Variants in CAMK2D observed in about 807,000 individuals in gnomAD.
CAMK2D encodes the protein calcium/calmodulin dependent protein kinase II delta, also known as calcium/calmodulin-dependent protein kinase type II subunit delta.
Under a neutral mutation model 84.0 loss-of-function variants are expected in CAMK2D, and 37 were observed. That is an observed-to-expected ratio of 0.44 (90% CI 0.34 to 0.58). The LOEUF is 0.58. Among genes scored for constraint, CAMK2D ranks in the 20% least tolerant of loss-of-function variants. The pLI, the probability that CAMK2D is intolerant of heterozygous loss-of-function variation, is 0.02. For synonymous variants in CAMK2D, 202 were observed against 212.5 expected (o/e 0.95, Z 0.43); for missense variants, 448 against 652.5 (o/e 0.69, Z 3.41).
intron 17 of CAMK2D, among the ~76,000 whole-genome samples, chr4:113,462,284 GTGTGTGTGTGTCTGTCTGTC>G (rs1480850936): frequency 2.5e-5 from 2 of 81,610 alleles, no homozygotes. Context: ...GTGTGTGTGT[GTGTGTGTGTGTCTGTCTGTC>G]TGTCTGTCTG....
chr4:113,671,446 T>C (rs1010668433), intron 2 of CAMK2D, among the ~76,000 whole-genome samples: 2 of 152,224 alleles, frequency 1.3e-5, no homozygotes, highest in African/African-American at 4.8e-5. Context: ...CAGACTCATA[T>C]GTTTTCATAA....
chr4:113,733,263 G>T (rs2099573349), intron 2 of CAMK2D, among the ~76,000 whole-genome samples: 1 of 152,192 alleles, frequency 6.6e-6, no homozygotes, highest in South Asian at 2.1e-4. Context: ...ACTTTCCTAT[G>T]TTCCTGTAAT....
intron 16 of CAMK2D, among the ~76,000 whole-genome samples, chr4:113,493,912 C>T (rs1350819097): frequency 1.3e-5 from 2 of 152,202 alleles, no homozygotes; most frequent in African/African-American, 4.8e-5. Context: ...ATCACTGACA[C>T]CCTTTCTTCC....
chr4:113,554,216 T>C (rs1447795292), intron 4 of CAMK2D, among the ~76,000 whole-genome samples: 1 of 152,170 alleles, frequency 6.6e-6, no homozygotes, highest in Non-Finnish European at 1.5e-5. Context: ...TTTGCTTAAT[T>C]AATGACTCTT....
intron 16 of CAMK2D, among the ~76,000 whole-genome samples, chr4:113,479,452 C>T (rs1227204572): frequency 6.6e-6 from 1 of 152,112 alleles, no homozygotes; most frequent in East Asian, 1.9e-4. Context: ...TATGTCTCAA[C>T]TCAGAATTAA....
intron 4 of CAMK2D, among the ~76,000 whole-genome samples, chr4:113,607,539 C>T (rs1008656245): frequency 1.3e-5 from 2 of 152,054 alleles, no homozygotes; most frequent in South Asian, 2.1e-4. Flanking sequence ...CCACCGTAAC[C>T]GATCAATTGA....
intron 3 of CAMK2D, among the ~76,000 whole-genome samples, chr4:113,658,470 T>G (rs1254038284): frequency 6.6e-6 from 1 of 152,172 alleles, no homozygotes; most frequent in Non-Finnish European, 1.5e-5. Context: ...TCCCTTCTTT[T>G]AGGTCTGCAT....
intron 4 of CAMK2D, among the ~76,000 whole-genome samples, chr4:113,565,792 T>C (rs1438407459): frequency 1.3e-5 from 2 of 152,150 alleles, no homozygotes; most frequent in Non-Finnish European, 2.9e-5. Flanking sequence ...TTTGGGAATG[T>C]TGAAACATGG....
At chr4:113,693,795 T>G (rs999394052) in intron 2 of CAMK2D, among the ~76,000 whole-genome samples, 2 of 152,198 alleles carry the variant, frequency 1.3e-5, no homozygotes, top group Non-Finnish European at 2.9e-5. Context: ...TAAAATTGTT[T>G]GGAGATTACT....
chr4:113,697,548 A>G (rs886427407), intron 2 of CAMK2D, among the ~76,000 whole-genome samples: 6 of 152,118 alleles, frequency 3.9e-5, no homozygotes, highest in African/African-American at 1.4e-4. Flanking sequence ...CTGGCCTACT[A>G]TATATTTTCT....
At chr4:113,559,131 GC>G (rs2098686420) in intron 4 of CAMK2D, among the ~76,000 whole-genome samples, 2 of 151,846 alleles carry the variant, frequency 1.3e-5, no homozygotes, top group Non-Finnish European at 1.5e-5. Flanking sequence ...ATATGGTTTT[GC>G]AAGCACCACA....
chr4:113,463,237 T>C (rs1295344646), intron 17 of CAMK2D, among the ~76,000 whole-genome samples: 1 of 152,086 alleles, frequency 6.6e-6, no homozygotes, highest in East Asian at 1.9e-4. Flanking sequence ...AAAGTAATAC[T>C]TGCTTATGTA....
intron 4 of CAMK2D, among the ~76,000 whole-genome samples, chr4:113,588,433 C>T: frequency 6.6e-6 from 1 of 152,160 alleles, no homozygotes; most frequent in East Asian, 1.9e-4. Flanking sequence ...TTAGACCATA[C>T]AGGCATAACT....
intron 16 of CAMK2D, among the ~76,000 whole-genome samples, chr4:113,498,781 T>A (rs2097982696): frequency 6.6e-6 from 1 of 152,178 alleles, no homozygotes; most frequent in Non-Finnish European, 1.5e-5. Flanking sequence ...AACTACAAGG[T>A]AACACTGACA....
intron 10 of CAMK2D, among the ~76,000 whole-genome samples, 167 bp downstream of exon 10, chr4:113,514,902 T>A (rs1025575184): frequency 1.3e-5 from 2 of 152,228 alleles, no homozygotes; most frequent in African/African-American, 4.8e-5. Context: ...GAAAATTGCA[T>A]TTTTTCACCA....
At chr4:113,583,242 CA>C (rs34153548) in intron 4 of CAMK2D, among the ~76,000 whole-genome samples, 1 of 151,928 alleles carries the variant, frequency 6.6e-6, no homozygotes, top group Admixed American at 6.6e-5. Context: ...TCATAGGGCA[CA>C]AAAAATGCAA....
chr4:113,739,398 A>T (rs888553728), intron 2 of CAMK2D, among the ~76,000 whole-genome samples: 1 of 152,186 alleles, frequency 6.6e-6, no homozygotes, highest in Non-Finnish European at 1.5e-5. Context: ...GGCTGTGGGT[A>T]TCTGCCACAG....
chr4:113,548,787 T>A, intron 5 of CAMK2D: 1 of 782,154 alleles, frequency 1.3e-6, no homozygotes, highest in Admixed American at 2.3e-5. Flanking sequence ...CATAATCACA[T>A]TGAATATGAA....
intron 2 of CAMK2D, among the ~76,000 whole-genome samples, chr4:113,749,441 C>A (rs2099612119): frequency 6.6e-6 from 1 of 152,138 alleles, no homozygotes; most frequent in Non-Finnish European, 1.5e-5. Context: ...TGGCCTCTAA[C>A]TGCCTTTACT....
Sources: allele counts gnomAD v4.1 joint callset (sites outside exome capture counted in the v4.1 genomes callset), GRCh38; gene constraint gnomAD v4.1.1; transcripts MANE v1.5; gene names NCBI Gene and HGNC (gene_info 2026-07-23, HGNC 2026-07-21).